The following MRPS22 variants were observed in gnomAD, a reference collection of about 807,000 sequenced individuals.
The protein encoded by MRPS22 is small ribosomal subunit protein mS22.
Under a neutral mutation model 44.0 loss-of-function variants are expected in MRPS22, and 30 were observed. The observed-to-expected ratio is 0.68, with a 90% CI of 0.51 to 0.93. MRPS22 has a LOEUF of 0.93. Ranked by LOEUF, MRPS22 falls within the 40% of genes least tolerant of loss-of-function variation. MRPS22 has a pLI of 0.00. For synonymous variants in MRPS22, 165 were observed against 154.4 expected (o/e 1.07, Z -0.51); for missense variants, 447 against 447.8 (o/e 1.00, Z 0.02).
intron 6 of MRPS22, among the ~76,000 whole-genome samples, 181 bp downstream of exon 6, chr3:139,352,973 TAA>T (rs919494295): frequency 6.6e-6 from 1 of 152,196 alleles, no homozygotes; most frequent in African/African-American, 2.4e-5. Context: ...ATATAAAGTG[TAA>T]GTAAGCCACT....
chr3:139,353,998 A>G (rs1419158775), intron 6 of MRPS22, among the ~76,000 whole-genome samples: 1 of 152,240 alleles, frequency 6.6e-6, no homozygotes, highest in Non-Finnish European at 1.5e-5. Flanking sequence ...TTATAGTATT[A>G]CTCATCACAT....
chr3:139,353,141 T>TG (rs1307079383), intron 6 of MRPS22, among the ~76,000 whole-genome samples: 2 of 152,238 alleles, frequency 1.3e-5, no homozygotes, highest in Non-Finnish European at 2.9e-5. Flanking sequence ...ATAAGCTCTG[T>TG]GGTTGTTTTC....
At chr3:139,350,886 A>G in intron 4 of MRPS22, 91 bp from the exon 5 acceptor site, 1 of 915,606 alleles carries the variant, frequency 1.1e-6, no homozygotes, top group Non-Finnish European at 1.8e-6. Flanking sequence ...CAGAGTGGCC[A>G]GTATGTGGGT....
intron 5 of MRPS22, chr3:139,352,416 G>A (rs1415931784): frequency 7.3e-5 from 34 of 463,232 alleles, no homozygotes; most frequent in Non-Finnish European, 1.4e-4. Flanking sequence ...TTATAGGCAT[G>A]AGCCACTGTG....
At chr3:139,351,112 G>A in intron 5 of MRPS22, 52 bp downstream of exon 5, 1 of 1,349,910 alleles carries the variant, frequency 7.4e-7, no homozygotes, top group Admixed American at 1.7e-5. Context: ...TTATGAGTAA[G>A]ATTTTTAATC....
chr3:139,355,688 T>C lies in MRPS22; in HGVS notation c.885T>C (p.Asp295=). ...LIDQIQRDLI[D]DATNLVQLYH... ...TAAACCCTTTCATTCTCAGAATCGATGATGCAACCAACTTGGTCCAGCTGT... is the reference window on the plus strand; with the variant it reads ...TAAACCCTTTCATTCTCAGAATCGACGATGCAACCAACTTGGTCCAGCTGT... The change falls in exon 7 of 8, where the codon GAT becomes GAC. Residue 295 remains aspartate, a synonymous_variant. Coordinates refer to ENST00000680020, the MANE Select transcript of MRPS22 (RefSeq NM_020191.4). 1 of 1,613,880 alleles carries C rather than the reference T, an allele frequency of 6.2e-7. No individual in the cohort carries two copies. Among genetic ancestry groups the C allele is most frequent in the Non-Finnish European group, 8.5e-7 (1 of 1,179,768 alleles).
Position 139,349,138 on chromosome 3 carries a change from A to C in MRPS22, c.504+814A>C, listed in dbSNP as rs62270793. 2,620 of 338,502 alleles carry C rather than the reference A, an allele frequency of 7.7e-3. 18 individuals are homozygous for C. Among genetic ancestry groups the C allele is most frequent in the Middle Eastern group, 0.048 (71 of 1,486 alleles). 21.0% of individuals were successfully genotyped at this position (338,502 alleles called of 1,614,324 possible). On this transcript the variant is annotated intron_variant, in intron 3 of 7. Transcript: ENST00000680020. ...TAATGAACATGAGTCACAGAGTTTC[A>C]ATTTTAATTACAGTTTTTGTTTTGT...
At chr3:139,352,889 T>G in intron 6 of MRPS22, 97 bp downstream of exon 6, 9 of 1,273,480 alleles carry the variant, frequency 7.1e-6, no homozygotes, top group Non-Finnish European at 1.0e-5. Context: ...AACAGTGTAC[T>G]GTCTAGTGCT....
At position 139,344,062 on chromosome 3, in the gene MRPS22, C is replaced by T. The variant is rs781105065; in HGVS notation, c.36C>T (p.Ser12=). The change falls in exon 1 of 8, where the codon AGC becomes AGT. Residue 12 remains serine (S), a synonymous_variant. Coordinates refer to ENST00000680020, the MANE Select transcript of MRPS22 (RefSeq NM_020191.4). ...TCGGAACAACTGTATTGCTGTGGAG[C>T]CTCTTGAGGAGTTCTCCGGGCGTGG... ...APLGTTVLLW[S]LLRSSPGVER... 63 of 1,614,040 alleles carry T rather than the reference C, an allele frequency of 3.9e-5. No individual in the cohort carries two copies. The highest frequency in any genetic ancestry group is 4.7e-5 in the Non-Finnish European group (56 of 1,180,050).
At chr3:139,344,491 A>T in intron 1 of MRPS22, 1 of 611,338 alleles carries the variant, frequency 1.6e-6, no homozygotes, top group Non-Finnish European at 2.9e-6. Flanking sequence ...ACTCATGTCC[A>T]TGGGGAATTG....
At chr3:139,344,243 C>G (rs529367374) in intron 1 of MRPS22, 45 bp downstream of exon 1, 47 of 1,558,758 alleles carry the variant, frequency 3.0e-5, no homozygotes, top group Non-Finnish European at 4.0e-5. Context: ...TTCTGGGAGA[C>G]GTAGATCCTG....
chr3:139,351,030 G>A lies in MRPS22; in HGVS notation c.702G>A (p.Gln234=), dbSNP rs1047558050. The change falls in exon 5 of 8, where the codon CAG becomes CAA. Residue 234 remains glutamine (Q), a synonymous_variant. Transcript: ENST00000680020. ...ATGTCCTCAATCTCTGCTTTGCCCAGTTTGAGCCAGATTCCACAGAGTATA... is the reference window on the plus strand; with the variant it reads ...ATGTCCTCAATCTCTGCTTTGCCCAATTTGAGCCAGATTCCACAGAGTATA... ...HVDVLNLCFA[Q]FEPDSTEYIK... The A allele has an allele frequency of 3.7e-6, 6 of 1,614,086 alleles. No homozygotes were observed. Among genetic ancestry groups the A allele is most frequent in the Non-Finnish European group, 5.1e-6 (6 of 1,179,982 alleles).
At chr3:139,356,298 C>G (rs2107792445) in intron 7 of MRPS22, among the ~76,000 whole-genome samples, 1 of 152,222 alleles carries the variant, frequency 6.6e-6, no homozygotes, top group South Asian at 2.1e-4. Flanking sequence ...AAACCATGGG[C>G]TTATGTACAT....
intron 6 of MRPS22, 99 bp downstream of exon 6, chr3:139,352,891 T>C: frequency 7.9e-7 from 1 of 1,271,548 alleles, no homozygotes; most frequent in Non-Finnish European, 1.1e-6. Context: ...CAGTGTACTG[T>C]CTAGTGCTTG....
At chr3:139,345,188 A>T (rs1363658287) in intron 1 of MRPS22, among the ~76,000 whole-genome samples, 1 of 152,174 alleles carries the variant, frequency 6.6e-6, no homozygotes, top group Non-Finnish European at 1.5e-5. Flanking sequence ...TAAGCAGACC[A>T]CCTTAACTTT....
Position 139,350,163 on chromosome 3 carries a change from T to C in MRPS22, c.505-16T>C. 1 of 1,614,076 alleles carries C rather than the reference T, an allele frequency of 6.2e-7. No individual in the cohort carries two copies. The highest frequency in any genetic ancestry group is 8.5e-7 in the Non-Finnish European group (1 of 1,179,942). ...GTCCTCACAAACGCATCCTTGATTA[T>C]GTTTTTCTATTTTAGGAGCGTTTTA... On this transcript the variant is annotated splice_polypyrimidine_tract_variant and intron_variant, in intron 3 of 7. Transcript: ENST00000680020.
At chr3:139,345,027 A>T (rs1941012674) in intron 1 of MRPS22, among the ~76,000 whole-genome samples, 2 of 152,162 alleles carry the variant, frequency 1.3e-5, no homozygotes, top group African/African-American at 4.8e-5. Context: ...ATGGTAACTA[A>T]AGGTGAGTGA....
chr3:139,352,357 GAGGACTGCTCA>G (rs1272938682), intron 5 of MRPS22: 10 of 345,408 alleles, frequency 2.9e-5, no homozygotes, highest in Middle Eastern at 9.5e-4. Flanking sequence ...TCCTAGAGAT[GAGGACTGCTCA>G]AGCAGTCCTC....
At chr3:139,353,627 T>C (rs1468274535) in intron 6 of MRPS22, among the ~76,000 whole-genome samples, 1 of 152,216 alleles carries the variant, frequency 6.6e-6, no homozygotes, top group Admixed American at 6.5e-5. Flanking sequence ...ACAGAACTTA[T>C]TTTCAGAATA....
Sources: gnomAD v4.1 joint callset for allele counts (sites outside exome capture counted in the v4.1 genomes callset) on GRCh38, gnomAD v4.1.1 for gene constraint, MANE v1.5 for transcripts, NCBI Gene and HGNC (gene_info 2026-07-23, HGNC 2026-07-21) for gene names.